Variants in MIS18BP1 observed in about 807,000 individuals in gnomAD.
MIS18BP1 encodes the protein mis18-binding protein 1.
MIS18BP1 carries 72 observed loss-of-function variants against 116.1 expected under a neutral mutation model. That is an observed-to-expected ratio of 0.62 (90% CI 0.51 to 0.75). The LOEUF (loss-of-function observed/expected upper bound fraction) is 0.75. Ranked by LOEUF, MIS18BP1 falls within the 30% of genes least tolerant of loss-of-function variation. The pLI is 0.00. For missense variants in MIS18BP1, 1,363 were observed against 1,303.2 expected (o/e 1.05, Z -0.71); for synonymous variants, 386 against 427.0 (o/e 0.90, Z 1.18).
At position 45,204,055 on chromosome 14, in the gene MIS18BP1, C is replaced by T. The variant is rs1299925009; in HGVS notation, c.*54G>A. 1.3e-6 allele frequency: 2 copies of T among 1,573,770 alleles called. No individual in the cohort carries two copies. The highest frequency in any genetic ancestry group is 1.7e-6 in the Non-Finnish European group (2 of 1,163,376). On this transcript the variant is annotated 3_prime_UTR_variant, in exon 17 of 17. Coordinates refer to ENST00000310806, the MANE Select transcript of MIS18BP1 (RefSeq NM_018353.5). ...AATACATGTACTCCAGTTGAAAATACAAACACTGTCTGCTTTATGGTAAAA... is the reference window on the plus strand; with the variant it reads ...AATACATGTACTCCAGTTGAAAATATAAACACTGTCTGCTTTATGGTAAAA...
intron 5 of MIS18BP1, 90 bp from the exon 6 acceptor site, chr14:45,236,034 C>T (rs1891421354): frequency 8.6e-7 from 1 of 1,163,088 alleles, no homozygotes; most frequent in African/African-American, 1.6e-5. Flanking sequence ...TACAGCAACA[C>T]TAAGAATGTT....
At chr14:45,232,914 C>T in intron 6 of MIS18BP1, 94 bp from the exon 7 acceptor site, 1 of 650,532 alleles carries the variant, frequency 1.5e-6, no homozygotes, top group Non-Finnish European at 2.7e-6. Context: ...AAATATGCAC[C>T]TATTGCTTAA....
chr14:45,221,396 C>T (rs1471903260), intron 11 of MIS18BP1, among the ~76,000 whole-genome samples: 1 of 152,056 alleles, frequency 6.6e-6, no homozygotes, highest in Non-Finnish European at 1.5e-5. Context: ...GAGATCGCGC[C>T]ACTTCACTCC....
In MIS18BP1 at chr14:45,203,844, C is replaced by T. The variant is rs1890432371; in HGVS notation, c.*265G>A. On this transcript the variant is annotated 3_prime_UTR_variant, in exon 17 of 17. Transcript: ENST00000310806. ...TTCTTAAAGTAAACAGACTTGGATG[C>T]TTATTAAAAAATTATCTATATATAT... 5.3e-6 allele frequency: 1 copy of T among 189,364 alleles called. No homozygotes were observed. The highest frequency in any genetic ancestry group is 1.1e-5 in the Non-Finnish European group (1 of 94,702). The allele number at this position is 189,364 out of a possible 1,614,324, so 11.7% of individuals were successfully genotyped here.
chr14:45,235,743 G>T (rs1891410426), intron 6 of MIS18BP1, 71 bp downstream of exon 6: 26 of 1,332,690 alleles, frequency 2.0e-5, no homozygotes, highest in Non-Finnish European at 2.6e-5. Context: ...AAAAAAATGT[G>T]TATTACTGTG....
chr14:45,229,039 T>C (rs1319642120), intron 8 of MIS18BP1, among the ~76,000 whole-genome samples: 2 of 151,976 alleles, frequency 1.3e-5, no homozygotes, highest in African/African-American at 4.8e-5. Context: ...TGTCTAACAG[T>C]TTCATTAAGA....
At position 45,210,369 on chromosome 14, in the gene MIS18BP1, T is replaced by C. The variant is rs1353093103; in HGVS notation, c.3152+11A>G. Reference sequence around the variant, plus strand: ...GCAGAGAATTAACATATCATATGCATGAATATTTACCTATTTATAGAACCT... The same window carrying C: ...GCAGAGAATTAACATATCATATGCACGAATATTTACCTATTTATAGAACCT... On this transcript the variant is annotated intron_variant, in intron 14 of 16. Transcript: ENST00000310806. 1.2e-6 allele frequency: 2 copies of C among 1,611,696 alleles called. No homozygotes were observed. Among genetic ancestry groups the C allele is most frequent in the African/African-American group, 1.3e-5 (1 of 74,756 alleles).
In MIS18BP1 at chr14:45,214,608, CT is replaced by C. The variant is rs1264036449; in HGVS notation, c.3003+2410del. Among the ~76,000 whole-genome samples the C allele has an allele frequency of 3.3e-5, 5 of 152,314 alleles. No homozygotes were observed. In the East Asian group the frequency reaches 9.7e-4, roughly 29 times the overall value. On this transcript the variant is annotated intron_variant, in intron 13 of 16. Coordinates refer to ENST00000310806, the MANE Select transcript of MIS18BP1 (RefSeq NM_018353.5). ...CCACTTTTGTTTCTCTATACTTTGT[CT>C]CTGTGTCTCTTTCTTTTCCCAGTCT... is the stretch of plus-strand genomic sequence containing the variant.
intron 7 of MIS18BP1, 77 bp downstream of exon 7, chr14:45,232,656 A>C (rs774678248): frequency 2.5e-6 from 2 of 812,828 alleles, no homozygotes; most frequent in Non-Finnish European, 2.0e-6. Context: ...TTAGCTGGAC[A>C]TGGTGGCACA....
intron 11 of MIS18BP1, among the ~76,000 whole-genome samples, chr14:45,222,069 T>G (rs1594509200): frequency 6.6e-6 from 1 of 152,214 alleles, no homozygotes; most frequent in Non-Finnish European, 1.5e-5. Flanking sequence ...CACTCAAGCT[T>G]TCTTTTGATT....
chr14:45,224,689 A>G lies in MIS18BP1; in HGVS notation c.1898T>C (p.Phe633Ser). The G allele has an allele frequency of 6.2e-7, 1 of 1,610,250 alleles. No homozygotes were observed. The highest frequency in any genetic ancestry group is 1.1e-5 in the South Asian group (1 of 89,892). ...CATGTATTTTCTTTCTTCATCTGAG[A>G]AAAACTGTTCCCTTGAGGTTAGAAT... Reference protein sequence around the residue: ...IDILTSREQFFSDEERKYMAI... With the variant: ...IDILTSREQFSSDEERKYMAI... Residue 633 changes from phenylalanine to serine, a missense_variant, in exon 11 of 17, where the codon TTC becomes TCC. Phe to Ser is a radical substitution (Grantham distance 155, BLOSUM62 -2). Transcript: ENST00000310806.
At chr14:45,237,208 G>A (rs1002298876) in intron 5 of MIS18BP1, among the ~76,000 whole-genome samples, 2 of 152,238 alleles carry the variant, frequency 1.3e-5, no homozygotes, top group South Asian at 4.1e-4. Context: ...ACCAGAAAGT[G>A]CCAATGATTA....
intron 13 of MIS18BP1, among the ~76,000 whole-genome samples, chr14:45,212,933 A>G (rs1348693947): frequency 6.6e-6 from 1 of 152,206 alleles, no homozygotes; most frequent in East Asian, 1.9e-4. Flanking sequence ...CCCTCTTCTG[A>G]GAGTACTTTC....
chr14:45,236,339 C>G (rs1432477489), intron 5 of MIS18BP1, among the ~76,000 whole-genome samples: 1 of 152,156 alleles, frequency 6.6e-6, no homozygotes, highest in Non-Finnish European at 1.5e-5. Context: ...TTGGATCCAG[C>G]TAATCTGGTG....
At chr14:45,220,140 C>A (rs1289828870) in intron 11 of MIS18BP1, among the ~76,000 whole-genome samples, 1 of 151,874 alleles carries the variant, frequency 6.6e-6, no homozygotes, top group Non-Finnish European at 1.5e-5. Flanking sequence ...AATCTGTCAC[C>A]CATGCAGGAG....
In MIS18BP1 at chr14:45,203,862, A is replaced by G. The variant is rs953494666; in HGVS notation, c.*247T>C. On this transcript the variant is annotated 3_prime_UTR_variant, in exon 17 of 17. Coordinates refer to ENST00000310806, the MANE Select transcript of MIS18BP1 (RefSeq NM_018353.5). ...TTGGATGCTTATTAAAAAATTATCT[A>G]TATATATTTTAATATGCAAAAACAA... is the stretch of plus-strand genomic sequence containing the variant. The G allele has an allele frequency of 4.5e-6, 1 of 224,674 alleles. No individual in the cohort carries two copies. Among genetic ancestry groups the G allele is most frequent in the African/African-American group, 2.3e-5 (1 of 43,616 alleles). 13.9% of individuals were successfully genotyped at this position (224,674 alleles called of 1,614,324 possible).
chr14:45,209,240 CAGT>C (rs972923631), intron 14 of MIS18BP1, among the ~76,000 whole-genome samples: 139 of 152,130 alleles, frequency 9.1e-4, no homozygotes, highest in South Asian at 1.7e-3. Flanking sequence ...TTTACACAAA[CAGT>C]AGTATATTAT....
At position 45,252,027 on chromosome 14, in the gene MIS18BP1, A is replaced by T. The variant is rs556010148; in HGVS notation, c.-92+1008T>A. ...ACTATATAATCTAACAGCAACTCTA[A>T]AGAGTTAAGTACTGTTATTACTCCC... is the stretch of plus-strand genomic sequence containing the variant. On this transcript the variant is annotated intron_variant, in intron 1 of 16. Coordinates refer to ENST00000310806, the MANE Select transcript of MIS18BP1 (RefSeq NM_018353.5). 2.6e-5 allele frequency among the ~76,000 whole-genome samples: 4 copies of T among 152,370 alleles called. No homozygotes were observed. In the East Asian group the frequency reaches 7.7e-4, roughly 29 times the overall value.
At chr14:45,235,186 A>C (rs545985044) in intron 6 of MIS18BP1, among the ~76,000 whole-genome samples, 7 of 147,064 alleles carry the variant, frequency 4.8e-5, no homozygotes, top group Non-Finnish European at 9.1e-5. Flanking sequence ...CAGCCTGGGC[A>C]ACAGAGCAAG....
Sources: gnomAD v4.1 joint callset for allele counts (sites outside exome capture counted in the v4.1 genomes callset) on GRCh38, gnomAD v4.1.1 for gene constraint, MANE v1.5 for transcripts, NCBI Gene and HGNC (gene_info 2026-07-23, HGNC 2026-07-21) for gene names.